STK3: variants seen among roughly 807,000 people sequenced by gnomAD.
STK3 encodes the protein serine/threonine kinase 3, also known as serine/threonine-protein kinase 3.
In STK3, 41 loss-of-function variants were observed where a neutral mutation model predicts 58.0. That is an observed-to-expected ratio of 0.71 (90% CI 0.55 to 0.92). The LOEUF is 0.92. STK3 is among the 40% of genes least tolerant of loss of function. The pLI, the probability that STK3 is intolerant of heterozygous loss-of-function variation, is 0.00. For synonymous variants in STK3, 170 were observed against 191.0 expected, an observed-to-expected ratio of 0.89 and a Z score of 0.91; for missense variants, 479 against 602.7, an observed-to-expected ratio of 0.79 and a Z score of 2.15.
At chr8:98,803,956 T>C (rs1044434310) in intron 1 of STK3, among the ~76,000 whole-genome samples, 1 of 151,990 alleles carries the variant, frequency 6.6e-6, no homozygotes, top group Admixed American at 6.5e-5. Flanking sequence ...GTAGCTGACA[T>C]TTATTAGGTT....
intron 6 of STK3, among the ~76,000 whole-genome samples, chr8:98,684,249 A>AACTTAAAAGCAAGGCTTT (rs1823827955): frequency 1.3e-5 from 2 of 152,196 alleles, no homozygotes; most frequent in Non-Finnish European, 2.9e-5. Context: ...CTCAGCAGCC[A>AACTTAAAAGCAAGGCTTT]TAAGCAAGAA....
intron 7 of STK3, among the ~76,000 whole-genome samples, chr8:98,594,292 T>G (rs1433957794): frequency 1.3e-5 from 2 of 151,928 alleles, no homozygotes; most frequent in African/African-American, 4.8e-5. Context: ...GGCAATACAG[T>G]GAGACCCTAT....
At chr8:98,750,321 GA>G (rs1452910926) in intron 3 of STK3, among the ~76,000 whole-genome samples, 2 of 151,794 alleles carry the variant, frequency 1.3e-5, no homozygotes, top group Non-Finnish European at 2.9e-5. Context: ...TACACAAATA[GA>G]AAGGGAAAAA....
intron 6 of STK3, among the ~76,000 whole-genome samples, chr8:98,680,754 C>A (rs1006744951): frequency 2.6e-5 from 4 of 152,016 alleles, no homozygotes; most frequent in African/African-American, 9.7e-5. Flanking sequence ...AACATTTTAT[C>A]CAAAACTACA....
chr8:98,422,316 T>TC lies in STK3; in HGVS notation n.483+11810dup, dbSNP rs1258355754. ...CCAATTTTCCTCTCAATCTCTCCCC[T>TC]CCCCCCACTCCAACTTCACTGGGGC... On this transcript the variant is annotated intron_variant and non_coding_transcript_variant, in intron 3 of 3. Transcript: ENST00000517832. 4.6e-5 allele frequency among the ~76,000 whole-genome samples: 7 copies of TC among 152,046 alleles called. No homozygotes were observed. The East Asian group carries it at 9.7e-4, about 21-fold the overall frequency.
intron 6 of STK3, among the ~76,000 whole-genome samples, chr8:98,673,287 C>A (rs1481041062): frequency 6.6e-6 from 1 of 152,170 alleles, no homozygotes; most frequent in Non-Finnish European, 1.5e-5. Flanking sequence ...GGGTTCTAAT[C>A]CTGGTTCTAC....
At chr8:98,461,659 T>C (rs956691567) in intron 10 of STK3, among the ~76,000 whole-genome samples, 1 of 152,240 alleles carries the variant, frequency 6.6e-6, no homozygotes. Context: ...CCTTTTAGCA[T>C]TTCTCGTAGG....
At chr8:98,913,833 G>A (rs1839240358) in intron 1 of STK3, among the ~76,000 whole-genome samples, 1 of 152,248 alleles carries the variant, frequency 6.6e-6, no homozygotes, top group Non-Finnish European at 1.5e-5. Context: ...GCCACAGGCT[G>A]AGATACCTGG....
At chr8:98,849,103 G>T (rs999208946) in intron 3 of STK3, among the ~76,000 whole-genome samples, 4 of 151,838 alleles carry the variant, frequency 2.6e-5, no homozygotes, top group African/African-American at 9.7e-5. Flanking sequence ...GCTGGCACCT[G>T]TAGTCCCAGC....
downstream of STK3, among the ~76,000 whole-genome samples, chr8:98,400,216 G>A (rs1039167537): frequency 3.9e-5 from 6 of 152,172 alleles, no homozygotes; most frequent in South Asian, 1.0e-3. Context: ...AAGGGCCATC[G>A]TTTGCAGGAG....
At chr8:98,617,723 T>C (rs1324585020) in intron 6 of STK3, among the ~76,000 whole-genome samples, 1 of 151,576 alleles carries the variant, frequency 6.6e-6, no homozygotes, top group African/African-American at 2.4e-5. Flanking sequence ...AAGAAATGGA[T>C]ACATTCCTTG....
chr8:98,692,101 T>C (rs1435447827), intron 6 of STK3, among the ~76,000 whole-genome samples: 2 of 152,146 alleles, frequency 1.3e-5, no homozygotes, highest in Non-Finnish European at 2.9e-5. Context: ...ACTATGGCCA[T>C]TAGCAAAGAA....
intron 6 of STK3, among the ~76,000 whole-genome samples, chr8:98,696,880 T>A (rs1387133186): frequency 1.3e-5 from 2 of 152,234 alleles, no homozygotes; most frequent in East Asian, 3.8e-4. Context: ...ATAAAATGAG[T>A]TAGGGAGGAT....
chr8:98,904,827 G>A, intron 1 of STK3: 1 of 662,618 alleles, frequency 1.5e-6, no homozygotes, highest in East Asian at 3.7e-5. Flanking sequence ...AGCAGCACAA[G>A]AACTTGGCAA....
chr8:98,362,658 G>A, the STK3 span, among the ~76,000 whole-genome samples: 131 of 152,264 alleles, frequency 8.6e-4, no homozygotes, highest in Non-Finnish European at 1.4e-3. Flanking sequence ...TATGGGAGGA[G>A]AGCATCCATT....
At chr8:98,928,746 T>G (rs544765588) in intron 1 of STK3, among the ~76,000 whole-genome samples, 27 of 152,276 alleles carry the variant, frequency 1.8e-4, no homozygotes, top group Admixed American at 1.3e-3. Flanking sequence ...ATTAAAAAAA[T>G]TATAATAAGT....
intron 10 of STK3, among the ~76,000 whole-genome samples, chr8:98,502,350 A>G (rs1426466114): frequency 6.6e-6 from 1 of 152,220 alleles, no homozygotes; most frequent in African/African-American, 2.4e-5. Flanking sequence ...GTCGTCTGCA[A>G]ACAGGGACAA....
intron 4 of STK3, among the ~76,000 whole-genome samples, chr8:98,741,289 T>C (rs1289205841): frequency 2.0e-5 from 3 of 152,162 alleles, no homozygotes; most frequent in African/African-American, 4.8e-5. Context: ...CAACAGAATA[T>C]ACATTTTTTT....
rs1056412361 is a variant in STK3, at chr8:98,479,209, C to T, written c.1318-23209G>A. On this transcript the variant is annotated intron_variant, in intron 10 of 10. Coordinates refer to ENST00000419617, the MANE Select transcript of STK3 (RefSeq NM_006281.4). ...GGCAGTTAAAAGACAAAGAAGCGGC[C>T]GGGTGCGGTGGCTCACACCTGCAAT... Among the ~76,000 whole-genome samples, 5 of 152,014 alleles carry T rather than the reference C, an allele frequency of 3.3e-5. No homozygotes were observed. In the South Asian group the frequency reaches 6.2e-4, roughly 19 times the overall value.
Sources: allele counts gnomAD v4.1 joint callset (sites outside exome capture counted in the v4.1 genomes callset), GRCh38; gene constraint gnomAD v4.1.1; transcripts MANE v1.5; gene names NCBI Gene and HGNC (gene_info 2026-07-23, HGNC 2026-07-21).